The following NUMBL variants were observed in gnomAD, a reference collection of about 807,000 sequenced individuals.
The protein encoded by NUMBL is numb-like protein.
NUMBL carries 20 observed loss-of-function variants against 48.9 expected under a neutral mutation model. The ratio of observed to expected loss-of-function variants is 0.41; its 90% CI spans 0.29 to 0.59. The LOEUF (loss-of-function observed/expected upper bound fraction) is 0.59, where lower values mean the gene tolerates loss of function less well. Among genes scored for constraint, NUMBL ranks in the 20% least tolerant of loss-of-function variants. The pLI is 0.31. For missense variants in NUMBL, 660 were observed against 846.2 expected (o/e 0.78, Z 2.73); for synonymous variants, 340 against 348.7 (o/e 0.98, Z 0.28).
At position 40,690,510 on chromosome 19, in the gene NUMBL, G is replaced by A; in HGVS notation, c.-27C>T. ...CAGGGCCCGGGCGCCCCCGCCTCCCGCGGCCCTGGCTGGGCCTGGCTCCCC... is the reference window on the plus strand; with the variant it reads ...CAGGGCCCGGGCGCCCCCGCCTCCCACGGCCCTGGCTGGGCCTGGCTCCCC... On this transcript the variant is annotated 5_prime_UTR_variant, in exon 1 of 10. Coordinates refer to ENST00000252891, the MANE Select transcript of NUMBL (RefSeq NM_004756.5). 14 of 1,256,206 alleles carry A rather than the reference G, an allele frequency of 1.1e-5. No individual in the cohort carries two copies. Among genetic ancestry groups the A allele is most frequent in the South Asian group, 3.0e-5 (1 of 33,864 alleles). 77.8% of individuals were successfully genotyped at this position (1,256,206 alleles called of 1,614,324 possible). A position where few individuals can be genotyped will look rare whatever the true frequency, so the allele number is the denominator to read the frequency against.
Position 40,668,032 on chromosome 19 carries a change from C to T in NUMBL, c.1266G>A (p.Gln422=), listed in dbSNP as rs761047095. 8 of 1,576,674 alleles carry T rather than the reference C, an allele frequency of 5.1e-6. No homozygotes were observed. In the Admixed American group the frequency reaches 7.5e-5, roughly 15 times the overall value. Residue 422 remains glutamine, a synonymous_variant, in exon 10 of 10, where the codon CAG becomes CAA. Coordinates refer to ENST00000252891, the MANE Select transcript of NUMBL (RefSeq NM_004756.5). ...EAERWLEEVS[Q]VAKAQQQQQQ... is the part of the protein sequence containing the mutation. ...GCTGCTGCTGCTGGGCCTTGGCCAC[C>T]TGTGACACCTCCTCCAGCCATCGCT...
At chr19:40,668,331 T>G (rs2081828002) in intron 9 of NUMBL, among the ~76,000 whole-genome samples, 193 bp from the exon 10 acceptor site, 1 of 152,154 alleles carries the variant, frequency 6.6e-6, no homozygotes, top group African/African-American at 2.4e-5. Flanking sequence ...GACCACGTAA[T>G]GGTTCTGGAG....
At chr19:40,670,209 G>A (rs550400168) in intron 8 of NUMBL, among the ~76,000 whole-genome samples, 189 bp from the exon 9 acceptor site, 83 of 152,344 alleles carry the variant, frequency 5.4e-4, no homozygotes, top group Non-Finnish European at 7.9e-4. Context: ...GAACGACTGA[G>A]TTAGTGTGTG....
In NUMBL at chr19:40,688,181, C is replaced by A. The variant is rs2081944122; in HGVS notation, c.25-1186G>T. Among the ~76,000 whole-genome samples, 1 of 152,198 alleles carries A rather than the reference C, an allele frequency of 6.6e-6. No individual in the cohort carries two copies. The highest frequency in any genetic ancestry group is 1.5e-5 in the Non-Finnish European group (1 of 68,038). On this transcript the variant is annotated intron_variant, in intron 1 of 9. Coordinates refer to ENST00000252891, the MANE Select transcript of NUMBL (RefSeq NM_004756.5). This position sits in a 1 kb window ranked among gnomAD's most constrained non-coding sequence, Gnocchi z 4.6. ...CCCAGCCACCTATCATGGTCATAAT[C>A]CCGTCACCCAGTGTCCATACACAGC...
At position 40,667,395 on chromosome 19, in the gene NUMBL, T is replaced by G; in HGVS notation, c.*73A>C. Reference sequence around the variant, plus strand: ...GGGGCGCAGCCCCAGGGAGCAGGGTTAGGGGAGAGGTTGTGCCTCCACCCC... The same window carrying G: ...GGGGCGCAGCCCCAGGGAGCAGGGTGAGGGGAGAGGTTGTGCCTCCACCCC... On this transcript the variant is annotated 3_prime_UTR_variant, in exon 10 of 10. Coordinates refer to ENST00000252891, the MANE Select transcript of NUMBL (RefSeq NM_004756.5). The surrounding 1 kb of genome is among the most constrained non-coding windows in gnomAD (Gnocchi z 6.1). 1.3e-6 allele frequency: 2 copies of G among 1,556,432 alleles called. No individual in the cohort carries two copies. Among genetic ancestry groups the G allele is most frequent in the Admixed American group, 3.9e-5 (2 of 51,476 alleles).
At chr19:40,690,409 T>A in intron 1 of NUMBL, 51 bp downstream of exon 1, 1 of 1,091,164 alleles carries the variant, frequency 9.2e-7, no homozygotes, top group South Asian at 3.5e-5. Flanking sequence ...CTCCGCCACA[T>A]CAGCAGCGGC....
intron 6 of NUMBL, among the ~76,000 whole-genome samples, chr19:40,678,256 G>A (rs146704370): frequency 4.6e-5 from 7 of 152,170 alleles, no homozygotes; most frequent in African/African-American, 1.7e-4. Context: ...TCCACCTCCC[G>A]GCTTCAAGCG....
rs141002555 is a variant in NUMBL, at chr19:40,682,333, C to T, written c.399+395G>A. ...GTGAGATGAGGTTTCACCATATTGC[C>T]AGGCTGGTCTCGAACTCCTGACCTC... On this transcript the variant is annotated intron_variant, in intron 5 of 9. Coordinates refer to ENST00000252891, the MANE Select transcript of NUMBL (RefSeq NM_004756.5). The surrounding 1 kb of genome is among the most constrained non-coding windows in gnomAD (Gnocchi z 4.0). Among the ~76,000 whole-genome samples the T allele has an allele frequency of 7.5e-3, 1,144 of 152,200 alleles. 16 individuals carry two copies. The highest frequency in any genetic ancestry group is 0.027 in the African/African-American group (1,104 of 41,548).
chr19:40,671,003 G>T (rs1302265776), intron 8 of NUMBL, among the ~76,000 whole-genome samples: 2 of 152,046 alleles, frequency 1.3e-5, no homozygotes, highest in East Asian at 1.9e-4. Flanking sequence ...TTGACACAGG[G>T]TCTCGCTCTG....
At chr19:40,672,147 T>C (rs1445417806) in intron 8 of NUMBL, among the ~76,000 whole-genome samples, 1 of 152,252 alleles carries the variant, frequency 6.6e-6, no homozygotes, top group Non-Finnish European at 1.5e-5. Context: ...CCCAAAGTGC[T>C]GAGACCACAG....
Position 40,682,995 on chromosome 19 carries a change from G to A in NUMBL, c.250-27C>T. ...TTGGGTTGGAGGGAATGGGGGGGGG[G>A]ACATGAAACAGCACAGTAATCACTC... On this transcript the variant is annotated intron_variant, in intron 3 of 9. Coordinates refer to ENST00000252891, the MANE Select transcript of NUMBL (RefSeq NM_004756.5). The surrounding 1 kb of genome is among the most constrained non-coding windows in gnomAD (Gnocchi z 4.0). 2 of 1,591,714 alleles carry A rather than the reference G, an allele frequency of 1.3e-6. No individual in the cohort carries two copies. The highest frequency in any genetic ancestry group is 2.2e-5 in the East Asian group (1 of 44,738).
intron 1 of NUMBL, 38 bp downstream of exon 1, chr19:40,690,422 C>CGCCCCCGACCCGA: frequency 3.4e-6 from 4 of 1,185,346 alleles, no homozygotes. Flanking sequence ...GCAGCGGCGC[C>CGCCCCCGACCCGA]GCCCCCGACC....
intron 8 of NUMBL, among the ~76,000 whole-genome samples, chr19:40,670,262 C>G (rs1479759370): frequency 6.6e-6 from 1 of 152,204 alleles, no homozygotes; most frequent in Non-Finnish European, 1.5e-5. Context: ...AACCAAGGAC[C>G]TCAAGATTTG....
chr19:40,672,547 G>C (rs1333246008), intron 8 of NUMBL, among the ~76,000 whole-genome samples: 1 of 152,186 alleles, frequency 6.6e-6, no homozygotes, highest in Non-Finnish European at 1.5e-5. Context: ...GGATCTCTGA[G>C]CTCACTGGTG....
In NUMBL at chr19:40,677,179, C is replaced by T; in HGVS notation, c.730+53G>A. The T allele has an allele frequency of 4.6e-6, 7 of 1,520,722 alleles. No homozygotes were observed. The South Asian group carries it at 4.8e-5, about 10-fold the overall frequency. 94.2% of individuals were successfully genotyped at this position (1,520,722 alleles called of 1,614,324 possible). A position where few individuals can be genotyped will look rare whatever the true frequency, so the allele number is the denominator to read the frequency against. ...CTCTGCAGCTCCCTGCCCCCTGATA[C>T]TGGGTACCCTGTGCCCACTCTGTGC... On this transcript the variant is annotated intron_variant, in intron 7 of 9. Transcript: ENST00000252891.
intron 6 of NUMBL, among the ~76,000 whole-genome samples, chr19:40,677,986 G>A (rs117836726): frequency 0.029 from 4,390 of 152,202 alleles, 113 homozygotes; most frequent in Non-Finnish European, 0.036. Context: ...GTCGAAATTC[G>A]TTGACTGTAC....
rs1272511685 is a variant in NUMBL at position 40,673,416 on chromosome 19, G to T, written c.964C>A (p.Gln322Lys). The T allele has an allele frequency of 6.2e-7, 1 of 1,613,588 alleles. No individual in the cohort carries two copies. The highest frequency in any genetic ancestry group is 8.5e-7 in the Non-Finnish European group (1 of 1,179,808). Reference protein sequence around the residue: ...LSQKNSPFKRQLSLRLNELPS... With the variant: ...LSQKNSPFKRKLSLRLNELPS... ...AGCTCATTCAGCCGTAGGCTCAGCT[G>T]CCGTTTGAAAGGCGAGTTCTTCTGG... is the stretch of plus-strand genomic sequence containing the variant. The change falls in exon 8 of 10, where the codon CAG becomes AAG. Residue 322 changes from glutamine to lysine, a missense_variant. This residue lies in a region of NUMBL where 278 missense variants were observed against 420.6 expected (regional missense o/e 0.66). Coordinates refer to ENST00000252891, the MANE Select transcript of NUMBL (RefSeq NM_004756.5). This position sits in a 1 kb window ranked among gnomAD's most constrained non-coding sequence, Gnocchi z 5.9.
Position 40,667,981 on chromosome 19 carries a change from C to CTGCTGT in NUMBL, c.1316_1317insACAGCA (p.Gln445_Gln446dup), listed in dbSNP as rs2081823623. ...CTGCTTGCTGCTGTTGCTGCTGCTG[C>CTGCTGT]TGCTGCTGCTGTTGCTGTTGCTGCT... is the stretch of plus-strand genomic sequence containing the variant. On this transcript the variant is annotated inframe_insertion, in exon 10 of 10. Coordinates refer to ENST00000252891, the MANE Select transcript of NUMBL (RefSeq NM_004756.5). This position sits in a 1 kb window ranked among gnomAD's most constrained non-coding sequence, Gnocchi z 6.1. The CTGCTGT allele has an allele frequency of 1.3e-5, 19 of 1,461,634 alleles. No homozygotes were observed. Among genetic ancestry groups the CTGCTGT allele is most frequent in the African/African-American group, 2.5e-5 (1 of 39,382 alleles). The allele number at this position is 1,461,634 out of a possible 1,614,324, so 90.5% of individuals were successfully genotyped here.
Position 40,667,648 on chromosome 19 carries a change from C to A in NUMBL, c.1650G>T (p.Gly550=). The change falls in exon 10 of 10, where the codon GGG becomes GGT. Residue 550 remains glycine (G), a synonymous_variant. Coordinates refer to ENST00000252891, the MANE Select transcript of NUMBL (RefSeq NM_004756.5). The surrounding 1 kb of genome is among the most constrained non-coding windows in gnomAD (Gnocchi z 6.1). ...CATTGGGGCGAGGGCGGGCCTGGCT[C>A]CCAGGGGCACTGGGTATGGCAGGGG... The part of the protein sequence containing the change: ...FPPPAIPSAP[G]SQARPRPNGA... The A allele has an allele frequency of 6.4e-7, 1 of 1,560,520 alleles. No individual in the cohort carries two copies. Among genetic ancestry groups the A allele is most frequent in the East Asian group, 2.4e-5 (1 of 42,036 alleles).
Sources: gnomAD v4.1 joint callset for allele counts (sites outside exome capture counted in the v4.1 genomes callset) on GRCh38, gnomAD v4.1.1 for gene constraint, gnomAD v4.1.1 regional missense constraint, Gnocchi (gnomAD v3.1) non-coding constraint, MANE v1.5 for transcripts, NCBI Gene and HGNC (gene_info 2026-07-23, HGNC 2026-07-21) for gene names.